PGBD5: variants seen among roughly 807,000 people sequenced by gnomAD.
PGBD5 encodes piggyBac transposable element derived 5.
A neutral mutation model predicts 47.9 loss-of-function variants in PGBD5; 14 were observed. That is an observed-to-expected ratio of 0.29 (90% CI 0.19 to 0.46). The LOEUF is 0.46. PGBD5 is among the 20% of genes least tolerant of loss of function. PGBD5 has a pLI of 1.00. For missense variants in PGBD5, 635 were observed against 716.0 expected (o/e 0.89, Z 1.29); for synonymous variants, 316 against 306.3 (o/e 1.03, Z -0.33).
At chr1:230,418,093 C>T (rs74146022) in intron 1 of PGBD5, among the ~76,000 whole-genome samples, 133 of 152,236 alleles carry the variant, frequency 8.7e-4, no homozygotes, top group African/African-American at 3.2e-3. Context: ...TCAGGACAGC[C>T]CCCCACCAGC....
At chr1:230,380,355 C>G (rs796308553) in intron 1 of PGBD5, among the ~76,000 whole-genome samples, 7 of 152,368 alleles carry the variant, frequency 4.6e-5, no homozygotes, top group African/African-American at 1.7e-4. Flanking sequence ...ACCAGTGTCA[C>G]TGGCAGCCAC....
intron 1 of PGBD5, among the ~76,000 whole-genome samples, chr1:230,416,877 G>T (rs914623217): frequency 6.6e-6 from 1 of 152,172 alleles, no homozygotes; most frequent in Non-Finnish European, 1.5e-5. Context: ...AACTGAAACC[G>T]GGGCAGGGGC....
intron 1 of PGBD5, among the ~76,000 whole-genome samples, chr1:230,364,740 G>A (rs1300707776): frequency 6.6e-6 from 1 of 152,240 alleles, no homozygotes. Context: ...ATAAAAGCTG[G>A]CCAGGCGCAG....
At chr1:230,378,924 G>A (rs1483061104) in intron 1 of PGBD5, among the ~76,000 whole-genome samples, 3 of 152,166 alleles carry the variant, frequency 2.0e-5, no homozygotes. Flanking sequence ...CCAAGGTGAT[G>A]TATGTACAAG....
chr1:230,380,188 T>C (rs1166395365), intron 1 of PGBD5, among the ~76,000 whole-genome samples: 2 of 152,228 alleles, frequency 1.3e-5, no homozygotes, highest in African/African-American at 2.4e-5. Context: ...TGCTAGATAC[T>C]TTCTAAGTTA....
chr1:230,344,076 G>A (rs995566184), intron 3 of PGBD5, among the ~76,000 whole-genome samples: 1 of 152,168 alleles, frequency 6.6e-6, no homozygotes, highest in Non-Finnish European at 1.5e-5. Context: ...ACGAGGTCAG[G>A]AGATGCAGAC....
At chr1:230,358,037 A>T (rs1435457889) in intron 1 of PGBD5, among the ~76,000 whole-genome samples, 1 of 152,016 alleles carries the variant, frequency 6.6e-6, no homozygotes, top group African/African-American at 2.4e-5. Context: ...TTTAAAAATA[A>T]ATACAGATAT....
At position 230,316,358 on chromosome 1, in the gene PGBD5, C is replaced by T. The variant is rs1311242386; in HGVS notation, c.*7067G>A. On this transcript the variant is annotated 3_prime_UTR_variant, in exon 7 of 7. Transcript: ENST00000391860. The stretch of plus-strand genomic sequence containing the variant: ...GGAGCAAAGCAACTAAAAATTGCCT[C>T]AACAATCCTGCAACTCCAGATCTTC... 3 of 152,242 alleles carry T rather than the reference C, an allele frequency of 2.0e-5. No individual in the cohort carries two copies. The highest frequency in any genetic ancestry group is 3.9e-4 in the East Asian group (2 of 5,184). The allele number at this position is 152,242 out of a possible 1,614,324, so 9.4% of individuals were successfully genotyped here.
intron 1 of PGBD5, chr1:230,362,335 G>A (rs760215410): frequency 9.5e-6 from 13 of 1,367,504 alleles, no homozygotes; most frequent in South Asian, 2.3e-5. Context: ...ATTATAGGGC[G>A]GCCGAGGCGT....
rs181906631 is a variant in PGBD5, at chr1:230,415,905, C to T, written c.331+9693G>A. Among the ~76,000 whole-genome samples the T allele has an allele frequency of 3.6e-3, 553 of 152,312 alleles. 1 individual carries two copies. The highest frequency in any genetic ancestry group is 5.7e-3 in the Non-Finnish European group (386 of 68,028). On this transcript the variant is annotated intron_variant, in intron 1 of 6. Coordinates refer to ENST00000391860, the MANE Select transcript of PGBD5 (RefSeq NM_001258311.2). Reference sequence around the variant, plus strand: ...TAGTCCCTTAATCAAAGGGACCAGTCTACTCTTGAGCACTCTGTAGCTCCA... The same window carrying T: ...TAGTCCCTTAATCAAAGGGACCAGTTTACTCTTGAGCACTCTGTAGCTCCA...
In PGBD5 at chr1:230,323,296, G is replaced by T. The variant is rs1267849729; in HGVS notation, c.*129C>A. ...CCAGGTCCATCCTGTCCCTCCAGAG[G>T]CCCTGTGCATCCCTCCCAGGCAGCA... On this transcript the variant is annotated 3_prime_UTR_variant, in exon 7 of 7. Coordinates refer to ENST00000391860, the MANE Select transcript of PGBD5 (RefSeq NM_001258311.2). The surrounding 1 kb of genome is among the most constrained non-coding windows in gnomAD (Gnocchi z 4.1). The T allele has an allele frequency of 9.7e-7, 1 of 1,030,316 alleles. No individual in the cohort carries two copies. The highest frequency in any genetic ancestry group is 1.4e-6 in the Non-Finnish European group (1 of 717,132). 63.8% of individuals were successfully genotyped at this position (1,030,316 alleles called of 1,614,324 possible).
At chr1:230,367,625 G>A (rs1031992221) in intron 1 of PGBD5, among the ~76,000 whole-genome samples, 1 of 152,194 alleles carries the variant, frequency 6.6e-6, no homozygotes, top group African/African-American at 2.4e-5. Flanking sequence ...TCAAGCCCAG[G>A]AGGCTGAGGC....
intron 1 of PGBD5, among the ~76,000 whole-genome samples, chr1:230,385,514 C>T (rs1160246094): frequency 1.3e-5 from 2 of 152,192 alleles, no homozygotes; most frequent in Non-Finnish European, 2.9e-5. Context: ...TGGGCACCAG[C>T]CGTTGCAGCA....
At chr1:230,339,592 G>T (rs1255622424) in intron 3 of PGBD5, among the ~76,000 whole-genome samples, 4 of 152,184 alleles carry the variant, frequency 2.6e-5, no homozygotes, top group Non-Finnish European at 5.9e-5. Flanking sequence ...CAATCGCCAA[G>T]ATATGGAAAC....
At chr1:230,412,235 G>A (rs1657424306) in intron 1 of PGBD5, among the ~76,000 whole-genome samples, 2 of 152,128 alleles carry the variant, frequency 1.3e-5, no homozygotes, top group South Asian at 2.1e-4. Context: ...GGGTTAAGGG[G>A]TTGACCCCAA....
At chr1:230,328,125 T>C (rs1667153072) in intron 5 of PGBD5, among the ~76,000 whole-genome samples, 1 of 152,212 alleles carries the variant, frequency 6.6e-6, no homozygotes, top group Non-Finnish European at 1.5e-5. Context: ...GGGTTTCCCA[T>C]AGACCCGTCC....
At position 230,323,665 on chromosome 1, in the gene PGBD5, C is replaced by T; in HGVS notation, c.1380-45G>A. The T allele has an allele frequency of 1.3e-6, 2 of 1,556,170 alleles. 1 individual carries two copies. The highest frequency in any genetic ancestry group is 2.4e-5 in the South Asian group (2 of 83,376). ...GAACGGCTGACCCGATGGTTCATGG[C>T]ACCCGGAGATGCATCCCAAAGGCCC... is the stretch of plus-strand genomic sequence containing the variant. On this transcript the variant is annotated intron_variant, in intron 6 of 6. Coordinates refer to ENST00000391860, the MANE Select transcript of PGBD5 (RefSeq NM_001258311.2). The surrounding 1 kb of genome is among the most constrained non-coding windows in gnomAD (Gnocchi z 4.1).
intron 1 of PGBD5, among the ~76,000 whole-genome samples, chr1:230,393,216 G>T (rs1656833465): frequency 6.8e-6 from 1 of 146,874 alleles, no homozygotes; most frequent in Non-Finnish European, 1.5e-5. Flanking sequence ...GGAAGCCAAG[G>T]GAAAGGAGGA....
chr1:230,333,994 A>G (rs1193213748), intron 4 of PGBD5, among the ~76,000 whole-genome samples: 9 of 152,214 alleles, frequency 5.9e-5, no homozygotes, highest in African/African-American at 2.2e-4. Context: ...AGACCCTGGG[A>G]GCAGTCTCAG....
Sources: gnomAD v4.1 joint callset for allele counts (sites outside exome capture counted in the v4.1 genomes callset) on GRCh38, gnomAD v4.1.1 for gene constraint, Gnocchi (gnomAD v3.1) non-coding constraint, MANE v1.5 for transcripts, NCBI Gene and HGNC (gene_info 2026-07-23, HGNC 2026-07-21) for gene names.